The following RELL1 variants were observed in gnomAD, a reference collection of about 807,000 sequenced individuals.
RELL1 encodes RELT like 1.
A neutral mutation model predicts 23.0 loss-of-function variants in RELL1; 10 were observed. The observed-to-expected ratio is 0.43, with a 90% CI of 0.27 to 0.74. RELL1 has a LOEUF of 0.74. Ranked by LOEUF, RELL1 falls within the 30% of genes least tolerant of loss-of-function variation. RELL1 has a pLI of 0.19. For missense variants in RELL1, 315 were observed against 364.4 expected, an observed-to-expected ratio of 0.86 and a Z score of 1.10; for synonymous variants, 146 against 146.8, an observed-to-expected ratio of 0.99 and a Z score of 0.04.
chr4:37,596,736 A>ATTTTTTTTT (rs1178565372), intron 6 of RELL1, among the ~76,000 whole-genome samples: 1 of 16,508 alleles, frequency 6.1e-5, no homozygotes. Flanking sequence ...ATATATATAT[A>ATTTTTTTTT]TTTTTTTTTT....
chr4:37,627,172 A>G (rs768166440), intron 6 of RELL1, among the ~76,000 whole-genome samples: 4 of 152,238 alleles, frequency 2.6e-5, no homozygotes, highest in African/African-American at 9.6e-5. Context: ...AAATCTGATT[A>G]ATTTTCAATA....
downstream of RELL1, chr4:37,588,925 A>C: frequency 6.3e-7 from 1 of 1,587,736 alleles, no homozygotes; most frequent in Non-Finnish European, 8.7e-7. Flanking sequence ...TACTACTTCT[A>C]AATGGAGGAA....
intron 5 of RELL1, among the ~76,000 whole-genome samples, chr4:37,632,203 C>T (rs368647408): frequency 2.6e-4 from 38 of 146,628 alleles, no homozygotes; most frequent in African/African-American, 8.7e-4. Context: ...CAGAGTTTCC[C>T]TCTTGCTGCC....
chr4:37,606,069 A>G (rs1483504209), downstream of RELL1, among the ~76,000 whole-genome samples: 1 of 149,280 alleles, frequency 6.7e-6, no homozygotes, highest in East Asian at 2.0e-4. The surrounding 1 kb of genome is among the most constrained non-coding windows in gnomAD (Gnocchi z 4.1). Context: ...AGGAAGGAAA[A>G]AGATGCAAGA....
intron 6 of RELL1, among the ~76,000 whole-genome samples, chr4:37,598,236 A>G: frequency 7.9e-6 from 1 of 126,632 alleles, no homozygotes; most frequent in Non-Finnish European, 1.6e-5. Flanking sequence ...CTGGGAAACA[A>G]AGTGCAACTC....
At chr4:37,684,419 G>A (rs1722330853) in intron 1 of RELL1, among the ~76,000 whole-genome samples, 1 of 151,622 alleles carries the variant, frequency 6.6e-6, no homozygotes, top group African/African-American at 2.4e-5. Flanking sequence ...CCTGAGACCT[G>A]GGTGTTGCTC....
chr4:37,681,377 C>A (rs78490153), intron 1 of RELL1, among the ~76,000 whole-genome samples: 1 of 152,040 alleles, frequency 6.6e-6, no homozygotes, highest in African/African-American at 2.4e-5. Flanking sequence ...TGCCATTTAC[C>A]CAGAACTTTC....
At chr4:37,596,967 C>CG (rs1447485528) in intron 6 of RELL1, among the ~76,000 whole-genome samples, 8 of 151,396 alleles carry the variant, frequency 5.3e-5, no homozygotes, top group Admixed American at 5.3e-4. Flanking sequence ...AGGCTGGTCT[C>CG]GAACTCCCCA....
downstream of RELL1, among the ~76,000 whole-genome samples, chr4:37,606,386 G>A (rs926055636): frequency 9.9e-5 from 15 of 152,142 alleles, no homozygotes; most frequent in African/African-American, 3.6e-4. This position sits in a 1 kb window ranked among gnomAD's most constrained non-coding sequence, Gnocchi z 4.1. Context: ...TGGTGTGGTG[G>A]GTTGAATGAT....
chr4:37,634,197 G>A (rs1577578091), intron 5 of RELL1, among the ~76,000 whole-genome samples: 2 of 152,322 alleles, frequency 1.3e-5, no homozygotes, highest in East Asian at 3.9e-4. Flanking sequence ...CAAGTGAAAG[G>A]TACTAGGACC....
chr4:37,630,356 GT>G (rs59763359), intron 6 of RELL1, among the ~76,000 whole-genome samples: 1,997 of 86,660 alleles, frequency 0.023, 7 homozygotes, highest in East Asian at 0.081. Context: ...TGTGTGTGTG[GT>G]TTTTTTTTTT....
Position 37,645,999 on chromosome 4 carries a change from T to C in RELL1, c.385+1369A>G, listed in dbSNP as rs552855003. Among the ~76,000 whole-genome samples, 8 of 152,340 alleles carry C rather than the reference T, an allele frequency of 5.3e-5. No homozygotes were observed. The East Asian group carries it at 1.5e-3, about 29-fold the overall frequency. ...TGAGGGCAGAGGAGCAGGTATTTACTGATGAGTGTGGTGTATTTCAACCTT... is the reference window on the plus strand; with the variant it reads ...TGAGGGCAGAGGAGCAGGTATTTACCGATGAGTGTGGTGTATTTCAACCTT... On this transcript the variant is annotated intron_variant, in intron 3 of 6. Transcript: ENST00000454158.
At chr4:37,633,852 A>C (rs1385608183) in intron 5 of RELL1, among the ~76,000 whole-genome samples, 1 of 152,198 alleles carries the variant, frequency 6.6e-6, no homozygotes, top group Non-Finnish European at 1.5e-5. Flanking sequence ...GCAACGTAAC[A>C]GTTTGTAAGT....
At chr4:37,683,058 A>G (rs1161464629) in intron 1 of RELL1, among the ~76,000 whole-genome samples, 1 of 152,172 alleles carries the variant, frequency 6.6e-6, no homozygotes, top group Non-Finnish European at 1.5e-5. Context: ...TTCTACTAGG[A>G]AGGAAGTGAA....
Position 37,651,959 on chromosome 4 carries a change from C to A in RELL1, c.89-2459G>T, listed in dbSNP as rs539223840. ...CTGCTGAAAGTGGGTACAAGCTATA[C>A]CACAGGGGAGCTGAAGCACGCCAGC... On this transcript the variant is annotated intron_variant, in intron 1 of 6. Coordinates refer to ENST00000454158, the MANE Select transcript of RELL1 (RefSeq NM_001085400.2). Among the ~76,000 whole-genome samples the A allele has an allele frequency of 4.9e-4, 74 of 152,344 alleles. 1 individual carries two copies. The highest frequency in any genetic ancestry group is 1.8e-3 in the African/African-American group (73 of 41,576).
intron 6 of RELL1, among the ~76,000 whole-genome samples, chr4:37,622,536 AT>A (rs2109245723): frequency 6.6e-6 from 1 of 152,328 alleles, no homozygotes; most frequent in South Asian, 2.1e-4. Context: ...CACTTGTAAT[AT>A]CCAATACACT....
chr4:37,665,175 G>C (rs902682512), intron 1 of RELL1: 2 of 448,736 alleles, frequency 4.5e-6, no homozygotes, highest in African/African-American at 4.0e-5. Context: ...GATCCTATTT[G>C]GTAGAACAGA....
At chr4:37,625,419 GATAACTT>G (rs1343495839) in intron 6 of RELL1, among the ~76,000 whole-genome samples, 3 of 152,220 alleles carry the variant, frequency 2.0e-5, no homozygotes, top group East Asian at 3.9e-4. Flanking sequence ...AGAGTGAAGA[GATAACTT>G]ATAAAATGGG....
intron 1 of RELL1, among the ~76,000 whole-genome samples, chr4:37,683,873 A>T (rs1037341556): frequency 1.4e-4 from 21 of 151,846 alleles, no homozygotes; most frequent in African/African-American, 5.1e-4. Flanking sequence ...CGAGGTCAGG[A>T]GATGGAGACC....
Sources: allele counts gnomAD v4.1 joint callset (sites outside exome capture counted in the v4.1 genomes callset), GRCh38; gene constraint gnomAD v4.1.1; non-coding constraint Gnocchi (gnomAD v3.1); transcripts MANE v1.5; gene names NCBI Gene and HGNC (gene_info 2026-07-23, HGNC 2026-07-21).